NCALD: variants seen among roughly 807,000 people sequenced by gnomAD.
NCALD encodes the protein neurocalcin delta, also known as neurocalcin-delta.
A neutral mutation model predicts 18.6 loss-of-function variants in NCALD; 10 were observed. The ratio of observed to expected loss-of-function variants is 0.54; its 90% confidence interval spans 0.33 to 0.91. NCALD has a LOEUF of 0.91. NCALD is among the 40% of genes least tolerant of loss of function. The pLI is 0.03. For synonymous variants in NCALD, 88 were observed against 87.4 expected (o/e 1.01, Z -0.04); for missense variants, 184 against 247.6 (o/e 0.74, Z 1.72).
intron 1 of NCALD, among the ~76,000 whole-genome samples, chr8:102,088,715 C>T (rs190658903): frequency 2.1e-5 from 3 of 145,228 alleles, no homozygotes; most frequent in Admixed American, 6.9e-5. Context: ...AAAACAAAAA[C>T]AAAAACAAAA....
intron 2 of NCALD, among the ~76,000 whole-genome samples, chr8:101,999,073 C>CAAAAAA (rs34227411): frequency 8.8e-5 from 7 of 79,352 alleles, no homozygotes; most frequent in Admixed American, 1.4e-4. Context: ...CACTCACCAT[C>CAAAAAA]AAAAAAAAAA....
intron 4 of NCALD, among the ~76,000 whole-genome samples, chr8:101,828,355 C>T (rs542321272): frequency 2.7e-4 from 41 of 152,246 alleles, no homozygotes; most frequent in Middle Eastern, 3.4e-3. Flanking sequence ...TTCCTCTCCC[C>T]GTCACTCATT....
chr8:101,857,424 C>T (rs944676829), intron 4 of NCALD, among the ~76,000 whole-genome samples: 16 of 152,196 alleles, frequency 1.1e-4, no homozygotes, highest in African/African-American at 3.9e-4. Flanking sequence ...ATTCTGACTT[C>T]TCTCTCCCAC....
intron 1 of NCALD, among the ~76,000 whole-genome samples, chr8:102,095,875 A>G (rs955291700): frequency 1.3e-5 from 2 of 152,236 alleles, no homozygotes; most frequent in Admixed American, 1.3e-4. Flanking sequence ...GTCACCTTTC[A>G]ACAAAGCCAG....
At chr8:102,061,137 C>A (rs572236890) in intron 1 of NCALD, among the ~76,000 whole-genome samples, 1 of 152,236 alleles carries the variant, frequency 6.6e-6, no homozygotes, top group East Asian at 1.9e-4. Flanking sequence ...ACAAGGAATC[C>A]CATCCAGAAG....
intron 1 of NCALD, among the ~76,000 whole-genome samples, chr8:101,773,459 A>G (rs1811667669): frequency 6.6e-6 from 1 of 152,188 alleles, no homozygotes; most frequent in South Asian, 2.1e-4. Context: ...AGAAGGTTCC[A>G]CATGCAGGGG....
chr8:101,846,101 A>C (rs899312431), intron 4 of NCALD, among the ~76,000 whole-genome samples: 3 of 152,208 alleles, frequency 2.0e-5, no homozygotes, highest in Non-Finnish European at 4.4e-5. Context: ...TTGATTCCAT[A>C]TCTTGGCTAC....
chr8:101,923,267 C>T (rs1818227575), intron 2 of NCALD, among the ~76,000 whole-genome samples: 3 of 152,204 alleles, frequency 2.0e-5, no homozygotes, highest in East Asian at 1.9e-4. Context: ...ATAAATTACC[C>T]ACTTGTGAGT....
chr8:101,864,145 T>C (rs1234132911), intron 4 of NCALD, among the ~76,000 whole-genome samples: 1 of 152,190 alleles, frequency 6.6e-6, no homozygotes, highest in Non-Finnish European at 1.5e-5. Flanking sequence ...GCTCAATCAA[T>C]CTATAAGACA....
At chr8:102,116,237 C>T (rs1056080443) in intron 1 of NCALD, among the ~76,000 whole-genome samples, 2 of 151,996 alleles carry the variant, frequency 1.3e-5, no homozygotes, top group Non-Finnish European at 2.9e-5. Flanking sequence ...TGCACATGTA[C>T]CCTAGAACTT....
At chr8:101,793,070 G>C (rs1812503232), upstream of NCALD, among the ~76,000 whole-genome samples, 1 of 152,134 alleles carries the variant, frequency 6.6e-6, no homozygotes, top group African/African-American at 2.4e-5. Flanking sequence ...CAGTGAACTG[G>C]CTGGGCATGG....
chr8:102,024,119 A>G (rs1048909360), intron 1 of NCALD, among the ~76,000 whole-genome samples: 3 of 152,216 alleles, frequency 2.0e-5, no homozygotes, highest in Non-Finnish European at 4.4e-5. Flanking sequence ...TTCATGCGTA[A>G]CTGAATGGGA....
At chr8:101,761,112 T>A (rs755281270) in intron 1 of NCALD, among the ~76,000 whole-genome samples, 4 of 151,992 alleles carry the variant, frequency 2.6e-5, no homozygotes, top group Non-Finnish European at 5.9e-5. Flanking sequence ...GAGAGAACAA[T>A]TCCACCAGCT....
rs917906572 is a variant in NCALD, at chr8:101,814,301, T to A, written c.-20+72840A>T. On this transcript the variant is annotated intron_variant, in intron 4 of 6. Transcript: ENST00000311028. ...AATATATTTTTAAAATTATACTCCA[T>A]AACCACATGGGATTTATGCCAGGTA... Among the ~76,000 whole-genome samples the A allele has an allele frequency of 6.6e-5, 10 of 152,236 alleles. No individual in the cohort carries two copies. The East Asian group carries it at 1.9e-3, about 29-fold the overall frequency.
chr8:101,810,046 G>A (rs1056597196), intron 4 of NCALD, among the ~76,000 whole-genome samples: 1 of 152,140 alleles, frequency 6.6e-6, no homozygotes, highest in African/African-American at 2.4e-5. Flanking sequence ...ACAGTGCAAC[G>A]CCTATAAACA....
At position 102,047,837 on chromosome 8, in the gene NCALD, A is replaced by G. The variant is rs563905811; in HGVS notation, c.-209-27548T>C. Among the ~76,000 whole-genome samples, 35 of 152,310 alleles carry G rather than the reference A, an allele frequency of 2.3e-4. No homozygotes were observed. The South Asian group carries it at 6.6e-3, about 29-fold the overall frequency. ...AGTTCTAAAACCAAATGTCTCTGTGATTTAAATAAAAGGGTTGAGATCAAG... is the reference window on the plus strand; with the variant it reads ...AGTTCTAAAACCAAATGTCTCTGTGGTTTAAATAAAAGGGTTGAGATCAAG... On this transcript the variant is annotated intron_variant, in intron 1 of 6. Transcript: ENST00000311028.
At chr8:102,008,470 C>T (rs531026423) in intron 2 of NCALD, among the ~76,000 whole-genome samples, 210 of 116,064 alleles carry the variant, frequency 1.8e-3, no homozygotes, top group African/African-American at 5.0e-3. Context: ...GAATTAAAGG[C>T]AGTTAAAAAA....
intron 4 of NCALD, among the ~76,000 whole-genome samples, chr8:101,864,726 C>T (rs1319111448): frequency 1.3e-5 from 2 of 151,856 alleles, no homozygotes; most frequent in Admixed American, 1.3e-4. Context: ...TCCTGAGTAG[C>T]TGGAATTACA....
At chr8:102,056,802 G>T (rs1166326900) in intron 1 of NCALD, among the ~76,000 whole-genome samples, 2 of 152,236 alleles carry the variant, frequency 1.3e-5, no homozygotes, top group East Asian at 3.8e-4. Flanking sequence ...CAGTTAGTGA[G>T]CAATTCTCAT....
Sources: gnomAD v4.1 joint callset for allele counts (sites outside exome capture counted in the v4.1 genomes callset) on GRCh38, gnomAD v4.1.1 for gene constraint, MANE v1.5 for transcripts, NCBI Gene and HGNC (gene_info 2026-07-23, HGNC 2026-07-21) for gene names.